KCNIP3: variants seen among roughly 807,000 people sequenced by gnomAD.
The protein encoded by KCNIP3 is potassium voltage-gated channel interacting protein 3, also known as calsenilin.
In KCNIP3, 28 loss-of-function variants were observed where a neutral mutation model predicts 35.0. That is an observed-to-expected ratio of 0.80 (90% CI 0.59 to 1.10). The LOEUF is 1.10. KCNIP3 is among the 50% of genes least tolerant of loss of function. KCNIP3 has a pLI of 0.00. For synonymous variants in KCNIP3, 134 were observed against 133.8 expected (o/e 1.00, Z -0.01); for missense variants, 295 against 338.4 (o/e 0.87, Z 1.01).
At chr2:95,341,504 T>C (rs1362714944) in intron 2 of KCNIP3, among the ~76,000 whole-genome samples, 1 of 152,202 alleles carries the variant, frequency 6.6e-6, no homozygotes, top group African/African-American at 2.4e-5. Flanking sequence ...ATTTCGTAGG[T>C]TGTCTTGGCT....
At chr2:95,333,848 G>A (rs1354279863) in intron 2 of KCNIP3, among the ~76,000 whole-genome samples, 1 of 152,166 alleles carries the variant, frequency 6.6e-6, no homozygotes, top group Non-Finnish European at 1.5e-5. Flanking sequence ...CTCCTGCCCA[G>A]CACCCTGGCT....
intron 1 of KCNIP3, among the ~76,000 whole-genome samples, chr2:95,309,234 C>T (rs56285541): frequency 0.028 from 4,289 of 152,262 alleles, 104 homozygotes; most frequent in East Asian, 0.1. Context: ...CGGCAGCCTG[C>T]GGTGCACCTC....
chr2:95,344,275 G>GGC (rs1679291302), intron 2 of KCNIP3, among the ~76,000 whole-genome samples: 1 of 85,086 alleles, frequency 1.2e-5, no homozygotes, highest in African/African-American at 7.2e-5. Flanking sequence ...GTGGCGGGGT[G>GGC]GGGGGGGGCA....
Position 95,378,057 on chromosome 2 carries a change from C to A in KCNIP3, c.447+2849C>A, listed in dbSNP as rs1179469507. On this transcript the variant is annotated intron_variant, in intron 5 of 8. Coordinates refer to ENST00000295225, the MANE Select transcript of KCNIP3 (RefSeq NM_013434.5). The surrounding 1 kb of genome is among the most constrained non-coding windows in gnomAD (Gnocchi z 4.0). The stretch of plus-strand genomic sequence containing the variant: ...CTTAGAATCTTCACTACTGTGTAAA[C>A]CATGCCCAAGCTTCAGTGATTATTA... Among the ~76,000 whole-genome samples the A allele has an allele frequency of 6.6e-6, 1 of 152,256 alleles. No individual in the cohort carries two copies. The highest frequency in any genetic ancestry group is 1.5e-5 in the Non-Finnish European group (1 of 68,050).
intron 2 of KCNIP3, among the ~76,000 whole-genome samples, chr2:95,369,859 A>G (rs1680001763): frequency 6.6e-6 from 1 of 152,136 alleles, no homozygotes; most frequent in Non-Finnish European, 1.5e-5. Context: ...CCTGGGCTCA[A>G]TCAATCCACC....
intron 2 of KCNIP3, chr2:95,312,614 C>T (rs1456805453): frequency 6.6e-6 from 1 of 152,296 alleles, no homozygotes; most frequent in Non-Finnish European, 1.5e-5. Flanking sequence ...AACGACACAT[C>T]CAAGAGCCTA....
rs1680176891 is a variant in KCNIP3, at chr2:95,376,012, G to A, written c.447+804G>A. Among the ~76,000 whole-genome samples the A allele has an allele frequency of 6.6e-6, 1 of 152,200 alleles. No homozygotes were observed. Among genetic ancestry groups the A allele is most frequent in the African/African-American group, 2.4e-5 (1 of 41,462 alleles). ...CGGGGTAATAATAACTTGTCGATAA[G>A]CTGCGCGGGTTATTTTTATGCCGCA... On this transcript the variant is annotated intron_variant, in intron 5 of 8. Transcript: ENST00000295225. This position sits in a 1 kb window ranked among gnomAD's most constrained non-coding sequence, Gnocchi z 4.2.
At chr2:95,348,741 T>A (rs1238290008) in intron 2 of KCNIP3, among the ~76,000 whole-genome samples, 1 of 152,124 alleles carries the variant, frequency 6.6e-6, no homozygotes, top group Non-Finnish European at 1.5e-5. Flanking sequence ...TTTCTGTGGG[T>A]ATGTGCCCAC....
chr2:95,358,031 C>G (rs1356696151), intron 2 of KCNIP3, among the ~76,000 whole-genome samples: 1 of 152,152 alleles, frequency 6.6e-6, no homozygotes, highest in South Asian at 2.1e-4. Flanking sequence ...GGAGTGTGTT[C>G]AGGAGGGATG....
intron 1 of KCNIP3, among the ~76,000 whole-genome samples, chr2:95,308,628 C>T (rs529665663): frequency 6.6e-6 from 1 of 152,300 alleles, no homozygotes; most frequent in Admixed American, 6.5e-5. Context: ...TTTGCAGCAG[C>T]AGCAGAGCCC....
chr2:95,314,198 A>G (rs1343628124), intron 2 of KCNIP3, among the ~76,000 whole-genome samples: 1 of 152,142 alleles, frequency 6.6e-6, no homozygotes, highest in Non-Finnish European at 1.5e-5. Context: ...AGGTGAGTTA[A>G]CTCGTCTCTA....
chr2:95,373,946 T>A (rs1011076900), intron 2 of KCNIP3, among the ~76,000 whole-genome samples: 5 of 152,242 alleles, frequency 3.3e-5, no homozygotes, highest in African/African-American at 1.2e-4. Flanking sequence ...CAAGTGTCCC[T>A]CATGCCTGTC....
chr2:95,338,299 C>T (rs902594826), intron 2 of KCNIP3, among the ~76,000 whole-genome samples: 13 of 152,190 alleles, frequency 8.5e-5, no homozygotes, highest in African/African-American at 3.1e-4. Flanking sequence ...AAATAGAACA[C>T]CTAATTATGG....
intron 2 of KCNIP3, among the ~76,000 whole-genome samples, chr2:95,323,112 C>T (rs1478574462): frequency 1.3e-5 from 2 of 152,178 alleles, no homozygotes; most frequent in East Asian, 3.9e-4. Flanking sequence ...TGAACAGGAA[C>T]ACTATGGGAG....
intron 2 of KCNIP3, among the ~76,000 whole-genome samples, chr2:95,331,820 C>T (rs1243438626): frequency 6.6e-6 from 1 of 152,194 alleles, no homozygotes; most frequent in Admixed American, 6.5e-5. Flanking sequence ...CAAGGAGATC[C>T]CTTCTCAGAT....
rs1277420457 is a variant in KCNIP3, at chr2:95,382,551, C to A, written c.660+70C>A. On this transcript the variant is annotated intron_variant, in intron 7 of 8. Coordinates refer to ENST00000295225, the MANE Select transcript of KCNIP3 (RefSeq NM_013434.5). This position sits in a 1 kb window ranked among gnomAD's most constrained non-coding sequence, Gnocchi z 4.5. ...GAAGGGGCTCTCGCTTTTGGGGCCA[C>A]CCCGGGCAAGTGGCTTGCCCCTCTG... is the stretch of plus-strand genomic sequence containing the variant. 1 of 1,186,654 alleles carries A rather than the reference C, an allele frequency of 8.4e-7. No individual in the cohort carries two copies. The highest frequency in any genetic ancestry group is 1.2e-6 in the Non-Finnish European group (1 of 839,354). The allele number at this position is 1,186,654 out of a possible 1,614,324, so 73.5% of individuals were successfully genotyped here. A position where few individuals can be genotyped will look rare whatever the true frequency, so the allele number is the denominator to read the frequency against.
chr2:95,342,302 G>C lies in KCNIP3; in HGVS notation c.181+31782G>C, dbSNP rs1486816395. Among the ~76,000 whole-genome samples, 3 of 152,194 alleles carry C rather than the reference G, an allele frequency of 2.0e-5. No homozygotes were observed. The East Asian group carries it at 5.8e-4, about 29-fold the overall frequency. On this transcript the variant is annotated intron_variant, in intron 2 of 8. Coordinates refer to ENST00000295225, the MANE Select transcript of KCNIP3 (RefSeq NM_013434.5). ...CCTTAAGCAAAGCATTAACCACTCT[G>C]TGCTTCAACTTCTTCCTCCTTTCCA...
intron 2 of KCNIP3, among the ~76,000 whole-genome samples, chr2:95,350,558 A>G (rs1250962510): frequency 1.3e-5 from 2 of 152,120 alleles, no homozygotes; most frequent in African/African-American, 2.4e-5. Context: ...AGGTCCTGTG[A>G]GAGCTACTGC....
At position 95,329,802 on chromosome 2, in the gene KCNIP3, T is replaced by C. The variant is rs77876832; in HGVS notation, c.181+19282T>C. Among the ~76,000 whole-genome samples the C allele has an allele frequency of 7.8e-3, 1,181 of 152,370 alleles. 16 individuals carry two copies. Among genetic ancestry groups the C allele is most frequent in the African/African-American group, 0.027 (1,140 of 41,592 alleles). On this transcript the variant is annotated intron_variant, in intron 2 of 8. Coordinates refer to ENST00000295225, the MANE Select transcript of KCNIP3 (RefSeq NM_013434.5). The stretch of plus-strand genomic sequence containing the variant: ...TACGGCCATTGATCGCCTTCGATCC[T>C]GGGTGCTGCTGTGAGATGCCCCTGC...
Sources: allele counts gnomAD v4.1 joint callset (sites outside exome capture counted in the v4.1 genomes callset), GRCh38; gene constraint gnomAD v4.1.1; non-coding constraint Gnocchi (gnomAD v3.1); transcripts MANE v1.5; gene names NCBI Gene and HGNC (gene_info 2026-07-23, HGNC 2026-07-21).